Variants in FLT1 observed in about 807,000 individuals in gnomAD.
FLT1 encodes vascular endothelial growth factor receptor 1.
In FLT1, 49 loss-of-function variants were observed where a neutral mutation model predicts 156.3. The ratio of observed to expected loss-of-function variants is 0.31; its 90% CI spans 0.25 to 0.40. FLT1 has a LOEUF of 0.40. Ranked by LOEUF, FLT1 falls within the 10% of genes least tolerant of loss-of-function variation. The pLI, the probability that FLT1 is intolerant of heterozygous loss-of-function variation, is 1.00. For missense variants in FLT1, 1,322 were observed against 1,637.2 expected (o/e 0.81, Z 3.32); for synonymous variants, 594 against 583.8 (o/e 1.02, Z -0.25).
chr13:28,408,517 A>C (rs1187815412), intron 10 of FLT1, among the ~76,000 whole-genome samples: 1 of 152,214 alleles, frequency 6.6e-6, no homozygotes, highest in Non-Finnish European at 1.5e-5. Flanking sequence ...ACTTGAAAAG[A>C]GATTTAGGGG....
intron 11 of FLT1, among the ~76,000 whole-genome samples, chr13:28,397,979 A>G (rs1408257164): frequency 6.6e-6 from 1 of 152,180 alleles, no homozygotes; most frequent in African/African-American, 2.4e-5. Flanking sequence ...CCAAATTCTG[A>G]TGTCTAAAAA....
chr13:28,358,965 T>C (rs1386944983), intron 14 of FLT1, among the ~76,000 whole-genome samples: 1 of 152,092 alleles, frequency 6.6e-6, no homozygotes, highest in Non-Finnish European at 1.5e-5. Flanking sequence ...AGAAATGGCA[T>C]GATGTGGAAA....
intron 14 of FLT1, among the ~76,000 whole-genome samples, chr13:28,363,465 C>T (rs539357824): frequency 2.6e-5 from 4 of 152,130 alleles, no homozygotes; most frequent in Non-Finnish European, 5.9e-5. Context: ...ACTTTTTCCA[C>T]ATGCATGTTT....
chr13:28,364,357 C>T (rs534721814), intron 14 of FLT1, among the ~76,000 whole-genome samples: 17 of 152,268 alleles, frequency 1.1e-4, no homozygotes, highest in Non-Finnish European at 1.8e-4. Context: ...GGATTATAGG[C>T]GTAAGCCACA....
intron 3 of FLT1, among the ~76,000 whole-genome samples, chr13:28,451,360 T>C (rs1878925229): frequency 6.6e-6 from 1 of 152,104 alleles, no homozygotes; most frequent in Non-Finnish European, 1.5e-5. Context: ...GAGACAGAGG[T>C]TGCAGTGAGC....
chr13:28,330,413 T>C (rs1871877720), intron 18 of FLT1, among the ~76,000 whole-genome samples: 1 of 152,012 alleles, frequency 6.6e-6, no homozygotes, highest in Admixed American at 6.6e-5. Context: ...TTTTTAGAAA[T>C]ATAAAAATCA....
At chr13:28,394,785 C>T (rs1197368604) in intron 12 of FLT1, among the ~76,000 whole-genome samples, 4 of 152,162 alleles carry the variant, frequency 2.6e-5, no homozygotes, top group Non-Finnish European at 5.9e-5. Context: ...TCACTCCATT[C>T]CTATATCATG....
intron 24 of FLT1, among the ~76,000 whole-genome samples, chr13:28,318,943 T>G (rs1277444660): frequency 1.3e-5 from 2 of 152,218 alleles, no homozygotes; most frequent in East Asian, 3.8e-4. Context: ...AGCCATATCA[T>G]GTGTTCATAT....
At chr13:28,474,253 C>G (rs1294233085) in intron 1 of FLT1, among the ~76,000 whole-genome samples, 1 of 152,000 alleles carries the variant, frequency 6.6e-6, no homozygotes, top group Non-Finnish European at 1.5e-5. Flanking sequence ...GTCAGGAGTT[C>G]GAGACCAGTT....
At chr13:28,388,225 T>C in intron 13 of FLT1, 1 of 1,057,634 alleles carries the variant, frequency 9.5e-7, no homozygotes, top group Admixed American at 5.4e-5. Flanking sequence ...TTCAGAGCAT[T>C]TGGGGCTCCA....
At chr13:28,492,433 A>T (rs1324138530) in intron 1 of FLT1, among the ~76,000 whole-genome samples, 2 of 152,236 alleles carry the variant, frequency 1.3e-5, no homozygotes, top group African/African-American at 2.4e-5. Context: ...GAGGACTTGA[A>T]AGTATCTGAA....
intron 10 of FLT1, among the ~76,000 whole-genome samples, chr13:28,407,247 T>C (rs1875865635): frequency 6.6e-6 from 1 of 152,194 alleles, no homozygotes; most frequent in East Asian, 1.9e-4. Context: ...TTCTACTTTC[T>C]TTAATTGTTT....
At chr13:28,363,677 A>G (rs1873189391) in intron 14 of FLT1, among the ~76,000 whole-genome samples, 1 of 151,248 alleles carries the variant, frequency 6.6e-6, no homozygotes, top group African/African-American at 2.4e-5. Context: ...GCAGTGGTGC[A>G]ATCTCGGTTC....
chr13:28,476,107 G>A (rs2137644668), intron 1 of FLT1, among the ~76,000 whole-genome samples: 1 of 152,020 alleles, frequency 6.6e-6, no homozygotes, highest in East Asian at 1.9e-4. Context: ...GAAAGAATGT[G>A]CACATAAATA....
chr13:28,385,159 CA>C (rs1462021792), intron 13 of FLT1, 128 bp from the exon 14 acceptor site: 1 of 970,330 alleles, frequency 1.0e-6, no homozygotes, highest in Non-Finnish European at 1.6e-6. Flanking sequence ...TTCATTTGTT[CA>C]CTTTCTCTTC....
At chr13:28,424,258 TA>T (rs932595402) in intron 10 of FLT1, among the ~76,000 whole-genome samples, 21 of 148,988 alleles carry the variant, frequency 1.4e-4, no homozygotes, top group Non-Finnish European at 2.4e-4. Flanking sequence ...TTTTTTTAAT[TA>T]AAAAAAAAAC....
intron 10 of FLT1, among the ~76,000 whole-genome samples, chr13:28,410,996 C>T (rs1020753643): frequency 6.6e-6 from 1 of 152,106 alleles, no homozygotes; most frequent in Non-Finnish European, 1.5e-5. Flanking sequence ...TCAGAGTCAC[C>T]TGTTACAGAG....
intron 10 of FLT1, 132 bp from the exon 11 acceptor site, chr13:28,406,026 T>C: frequency 1.5e-6 from 1 of 679,108 alleles, no homozygotes; most frequent in Non-Finnish European, 2.7e-6. Context: ...TTCTTTTCCT[T>C]AGATTTTTTC....
chr13:28,412,350 C>CTTTCTTTCTTTCTTT (rs71086853), intron 10 of FLT1, among the ~76,000 whole-genome samples: 1 of 93,708 alleles, frequency 1.1e-5, no homozygotes, highest in East Asian at 3.4e-4. Flanking sequence ...TTCTTTCTTT[C>CTTTCTTTCTTTCTTT]TCTTTCTTTC....
Sources: allele counts gnomAD v4.1 joint callset (sites outside exome capture counted in the v4.1 genomes callset), GRCh38; gene constraint gnomAD v4.1.1; transcripts MANE v1.5; gene names NCBI Gene and HGNC (gene_info 2026-07-23, HGNC 2026-07-21).